Variants in AAMDC observed in about 807,000 individuals in gnomAD.
AAMDC encodes adipogenesis associated Mth938 domain containing.
AAMDC carries 16 observed loss-of-function variants against 15.5 expected under a neutral mutation model. The ratio of observed to expected loss-of-function variants is 1.03; its 90% CI spans 0.70 to 1.57. The LOEUF (loss-of-function observed/expected upper bound fraction) is 1.57, where lower values mean the gene tolerates loss of function less well. Among genes scored for constraint, AAMDC ranks in the 40% most tolerant of loss-of-function variants. AAMDC has a pLI of 0.00. For synonymous variants in AAMDC, 51 were observed against 51.6 expected (o/e 0.99, Z 0.05); for missense variants, 141 against 144.9 (o/e 0.97, Z 0.14).
intron 2 of AAMDC, among the ~76,000 whole-genome samples, chr11:77,865,868 T>C (rs1555013439): frequency 6.6e-6 from 1 of 152,254 alleles, no homozygotes; most frequent in Non-Finnish European, 1.5e-5. Flanking sequence ...AAGGGGACCA[T>C]CGGCCTCAAT....
chr11:77,824,427 TAGG>T (rs1050786501), intron 1 of AAMDC, among the ~76,000 whole-genome samples: 7 of 152,194 alleles, frequency 4.6e-5, no homozygotes, highest in Non-Finnish European at 8.8e-5. Flanking sequence ...CATGTCCTAT[TAGG>T]GGGAAATATT....
At chr11:77,860,430 G>A (rs1346352034) in intron 2 of AAMDC, among the ~76,000 whole-genome samples, 4 of 152,222 alleles carry the variant, frequency 2.6e-5, no homozygotes, top group African/African-American at 9.6e-5. Flanking sequence ...TGGTGCCTTA[G>A]GATAATTTTA....
intron 2 of AAMDC, among the ~76,000 whole-genome samples, chr11:77,844,351 C>T (rs1414881928): frequency 4.0e-5 from 6 of 151,876 alleles, no homozygotes; most frequent in Non-Finnish European, 8.8e-5. Context: ...TTTTTTTTTA[C>T]AGTTTTTTCT....
intron 3 of AAMDC, among the ~76,000 whole-genome samples, chr11:77,871,505 G>A (rs1396331185): frequency 6.6e-6 from 1 of 152,204 alleles, no homozygotes; most frequent in Non-Finnish European, 1.5e-5. Flanking sequence ...GGAAAATGGT[G>A]ACTTATGCTG....
In AAMDC at chr11:77,842,646, G is replaced by A; in HGVS notation, c.132+18G>A. Reference sequence around the variant, plus strand: ...GAACTGAGGTAAGATATTAGTCTTTGGTTGATACTACATGAGGCTGACCAA... The same window carrying A: ...GAACTGAGGTAAGATATTAGTCTTTAGTTGATACTACATGAGGCTGACCAA... On this transcript the variant is annotated intron_variant, in intron 2 of 3. Transcript: ENST00000393427. The A allele has an allele frequency of 1.2e-6, 2 of 1,612,690 alleles. No individual in the cohort carries two copies. The highest frequency in any genetic ancestry group is 8.5e-7 in the Non-Finnish European group (1 of 1,179,640).
rs1951672596 is a variant in AAMDC at position 77,878,587 on chromosome 11, G to A, written c.328+1538G>A. The A allele has an allele frequency of 5.3e-5, 29 of 551,928 alleles. No homozygotes were observed. In the East Asian group the frequency reaches 8.5e-4, roughly 16 times the overall value. 34.2% of individuals were successfully genotyped at this position (551,928 alleles called of 1,614,324 possible). ...CGTCACTTTAAGAAATAAGACTATA[G>A]CTCAAATAACCAGTTATCAGGAGGT... On this transcript the variant is annotated intron_variant, in intron 5 of 5. Coordinates refer to the AAMDC transcript ENST00000304716.
intron 2 of AAMDC, among the ~76,000 whole-genome samples, chr11:77,863,151 G>A (rs1950955172): frequency 6.6e-6 from 1 of 152,130 alleles, no homozygotes; most frequent in Non-Finnish European, 1.5e-5. Flanking sequence ...GAAGCCGTGG[G>A]TCACGGAAGA....
At chr11:77,865,731 A>G (rs1951080407) in intron 2 of AAMDC, among the ~76,000 whole-genome samples, 1 of 152,238 alleles carries the variant, frequency 6.6e-6, no homozygotes, top group Admixed American at 6.5e-5. Flanking sequence ...TCCTAAACTA[A>G]TAAAGAAGCA....
intron 5 of AAMDC, among the ~76,000 whole-genome samples, chr11:77,886,954 T>C (rs1952041416): frequency 6.6e-6 from 1 of 151,344 alleles, no homozygotes; most frequent in African/African-American, 2.4e-5. Flanking sequence ...AAGCAGTGTG[T>C]AGAGGGAAAT....
chr11:77,898,003 G>A (rs1286421756), intron 5 of AAMDC, among the ~76,000 whole-genome samples: 1 of 151,986 alleles, frequency 6.6e-6, no homozygotes. Context: ...TTTAGAGACA[G>A]GGTCTCATTA....
chr11:77,831,309 C>T lies in AAMDC; in HGVS notation c.-19+10068C>T, dbSNP rs183333060. Among the ~76,000 whole-genome samples, 4 of 152,290 alleles carry T rather than the reference C, an allele frequency of 2.6e-5. No individual in the cohort carries two copies. In the East Asian group the frequency reaches 7.7e-4, roughly 29 times the overall value. On this transcript the variant is annotated intron_variant, in intron 1 of 3. Coordinates refer to ENST00000393427, the MANE Select transcript of AAMDC (RefSeq NM_024684.4). ...TCTGATAGCTCCTCAAAATGATAAA[C>T]ATAAAGTTACTTGAACCAGCAGTTC...
intron 2 of AAMDC, among the ~76,000 whole-genome samples, chr11:77,852,789 C>T (rs1329347597): frequency 6.6e-6 from 1 of 151,944 alleles, no homozygotes; most frequent in African/African-American, 2.4e-5. Flanking sequence ...TTTCCATACG[C>T]AAAAGGTAGC....
intron 1 of AAMDC, among the ~76,000 whole-genome samples, chr11:77,822,991 G>A (rs757256989): frequency 6.6e-6 from 1 of 152,092 alleles, no homozygotes; most frequent in Non-Finnish European, 1.5e-5. Flanking sequence ...CGAGACGGGC[G>A]GGTCACGAGG....
chr11:77,830,987 CAAAAAAA>C (rs59283485), intron 1 of AAMDC, among the ~76,000 whole-genome samples: 4,272 of 100,532 alleles, frequency 0.042, 225 homozygotes, highest in African/African-American at 0.15. Context: ...CAAAATATAC[CAAAAAAA>C]AAAAAAAAAA....
At position 77,869,716 on chromosome 11, in the gene AAMDC, A is replaced by G. The variant is rs753464737; in HGVS notation, c.133-6A>G. On this transcript the variant is annotated splice_region_variant and splice_polypyrimidine_tract_variant and intron_variant, in intron 2 of 3. Coordinates refer to ENST00000393427, the MANE Select transcript of AAMDC (RefSeq NM_024684.4). ...GTACCTGTCTACTTTCTCTTTCCAC[A>G]TCCAGCATTCTCCTGGTGTGCAGCC... The G allele has an allele frequency of 3.1e-6, 5 of 1,613,414 alleles. No individual in the cohort carries two copies. Among genetic ancestry groups the G allele is most frequent in the Non-Finnish European group, 3.4e-6 (4 of 1,179,518 alleles).
chr11:77,899,841 T>A (rs1331252030), intron 5 of AAMDC, among the ~76,000 whole-genome samples: 4 of 152,088 alleles, frequency 2.6e-5, no homozygotes, highest in African/African-American at 9.7e-5. Context: ...ATTGTACACA[T>A]CTTTATAATC....
At chr11:77,897,185 T>C (rs1415728688) in intron 5 of AAMDC, among the ~76,000 whole-genome samples, 2 of 151,796 alleles carry the variant, frequency 1.3e-5, no homozygotes, top group African/African-American at 4.9e-5. Context: ...AGAACAGTGG[T>C]GGCAAAGTTG....
At chr11:77,870,115 AG>A (rs1463561945) in intron 3 of AAMDC, 1 of 164,506 alleles carries the variant, frequency 6.1e-6, no homozygotes, top group East Asian at 1.6e-4. Context: ...TATATTTTAT[AG>A]TACTTCTAAT....
intron 2 of AAMDC, among the ~76,000 whole-genome samples, chr11:77,865,787 C>T (rs1951082271): frequency 6.6e-6 from 1 of 152,142 alleles, no homozygotes; most frequent in Non-Finnish European, 1.5e-5. Flanking sequence ...TTTGATAATT[C>T]CACTTGTATG....
Sources: gnomAD v4.1 joint callset for allele counts (sites outside exome capture counted in the v4.1 genomes callset) on GRCh38, gnomAD v4.1.1 for gene constraint, MANE v1.5 for transcripts, NCBI Gene and HGNC (gene_info 2026-07-23, HGNC 2026-07-21) for gene names.